The following ENOX1 variants were observed in gnomAD, a reference collection of about 807,000 sequenced individuals.
ENOX1 encodes the protein ecto-NOX disulfide-thiol exchanger 1, also known as candidate growth-related and time keeping constitutive hydroquinone (NADH) oxidase.
In ENOX1, 42 loss-of-function variants were observed where a neutral mutation model predicts 82.5. The ratio of observed to expected loss-of-function variants is 0.51; its 90% CI spans 0.40 to 0.66. The LOEUF is 0.66. ENOX1 is among the 30% of genes least tolerant of loss of function. The probability of loss-of-function intolerance (pLI) is 0.00; values close to 1 mark genes in which losing one functional copy is unlikely to be tolerated. For missense variants in ENOX1, 608 were observed against 811.6 expected, an observed-to-expected ratio of 0.75 and a Z score of 3.05; for synonymous variants, 271 against 282.2, an observed-to-expected ratio of 0.96 and a Z score of 0.40.
At chr13:43,460,264 T>C (rs1036283599) in intron 3 of ENOX1, among the ~76,000 whole-genome samples, 2 of 152,130 alleles carry the variant, frequency 1.3e-5, no homozygotes, top group African/African-American at 4.8e-5. Flanking sequence ...CCTATTGCAA[T>C]GTTTTCCCTT....
At chr13:43,264,104 G>A (rs1386535745) in intron 14 of ENOX1, among the ~76,000 whole-genome samples, 1 of 152,188 alleles carries the variant, frequency 6.6e-6, no homozygotes, top group African/African-American at 2.4e-5. Flanking sequence ...AACCATACGT[G>A]TAACACCTTA....
intron 1 of ENOX1, among the ~76,000 whole-genome samples, chr13:43,704,296 G>A (rs2087101445): frequency 6.6e-6 from 1 of 152,062 alleles, no homozygotes; most frequent in African/African-American, 2.4e-5. Context: ...AATGGTATAA[G>A]CCCACCAATC....
intron 3 of ENOX1, among the ~76,000 whole-genome samples, chr13:43,432,185 T>C (rs1372295342): frequency 6.6e-6 from 1 of 152,158 alleles, no homozygotes; most frequent in Non-Finnish European, 1.5e-5. Context: ...CTATCTTTTC[T>C]ATGGCAGTCG....
intron 1 of ENOX1, among the ~76,000 whole-genome samples, chr13:43,719,226 A>G (rs1396154849): frequency 6.6e-6 from 1 of 151,262 alleles, no homozygotes; most frequent in Non-Finnish European, 1.5e-5. Flanking sequence ...ATTAGAAGTC[A>G]GGTGTCCTTC....
chr13:43,370,834 C>T (rs9567166), intron 5 of ENOX1, among the ~76,000 whole-genome samples: 1 of 151,782 alleles, frequency 6.6e-6, no homozygotes, highest in African/African-American at 2.4e-5. Flanking sequence ...GGTCCTCATT[C>T]GCTCTCATCT....
At chr13:43,463,681 C>T (rs1447264458) in intron 3 of ENOX1, among the ~76,000 whole-genome samples, 1 of 152,194 alleles carries the variant, frequency 6.6e-6, no homozygotes. Flanking sequence ...CAACCCCTCT[C>T]AATATGTTGT....
At chr13:43,331,885 C>G (rs2048427821) in intron 9 of ENOX1, among the ~76,000 whole-genome samples, 2 of 152,152 alleles carry the variant, frequency 1.3e-5, no homozygotes, top group African/African-American at 4.8e-5. Context: ...GTTCTGGGTC[C>G]TGAGCATGAA....
At chr13:43,493,283 T>C (rs901005076) in intron 2 of ENOX1, among the ~76,000 whole-genome samples, 2 of 152,154 alleles carry the variant, frequency 1.3e-5, no homozygotes, top group African/African-American at 4.8e-5. Context: ...CACTTGATTA[T>C]GGAGGCTGAG....
At chr13:43,517,531 C>G (rs1043076371) in intron 2 of ENOX1, among the ~76,000 whole-genome samples, 1 of 152,072 alleles carries the variant, frequency 6.6e-6, no homozygotes, top group African/African-American at 2.4e-5. Flanking sequence ...TAGGTCTCTA[C>G]AAGTTTCATG....
chr13:43,683,320 G>A (rs1043805797), intron 1 of ENOX1, among the ~76,000 whole-genome samples: 8 of 152,098 alleles, frequency 5.3e-5, no homozygotes, highest in African/African-American at 1.9e-4. Flanking sequence ...AGGAAATGGG[G>A]AGCTCAGAAG....
At chr13:43,470,307 C>CGTATATATATATGTATATATATATGT (rs1555289835) in intron 3 of ENOX1, among the ~76,000 whole-genome samples, 2 of 42,492 alleles carry the variant, frequency 4.7e-5, no homozygotes, top group Non-Finnish European at 6.2e-5. Flanking sequence ...CATATATATA[C>CGTATATATATATGTATATATATATGT]ATATATATAC....
chr13:43,398,670 C>G (rs180910869), intron 5 of ENOX1, among the ~76,000 whole-genome samples: 1 of 152,192 alleles, frequency 6.6e-6, no homozygotes, highest in East Asian at 1.9e-4. Context: ...ACCCCTGAGA[C>G]AGCAAGATCA....
chr13:43,438,605 T>C (rs2056172545), intron 3 of ENOX1, among the ~76,000 whole-genome samples: 1 of 152,178 alleles, frequency 6.6e-6, no homozygotes, highest in African/African-American at 2.4e-5. Flanking sequence ...AATATTAAAC[T>C]TACAAACCAT....
chr13:43,240,965 T>C (rs1349995990), intron 14 of ENOX1, among the ~76,000 whole-genome samples: 2 of 152,196 alleles, frequency 1.3e-5, no homozygotes, highest in African/African-American at 4.8e-5. Context: ...CTGGCATCCT[T>C]CTGGACCCCT....
At chr13:43,733,435 C>G (rs558696940) in intron 1 of ENOX1, among the ~76,000 whole-genome samples, 42 of 152,320 alleles carry the variant, frequency 2.8e-4, no homozygotes, top group African/African-American at 9.6e-4. Context: ...ACAAATGAAT[C>G]TTGGGCTTTA....
intron 3 of ENOX1, among the ~76,000 whole-genome samples, chr13:43,419,341 T>C (rs1021611690): frequency 2.6e-5 from 4 of 152,012 alleles, no homozygotes; most frequent in African/African-American, 9.7e-5. Context: ...ACCCAGGAGT[T>C]TGAGACCAGG....
At chr13:43,622,253 G>A (rs762130075) in intron 2 of ENOX1, among the ~76,000 whole-genome samples, 26 of 152,110 alleles carry the variant, frequency 1.7e-4, no homozygotes, top group Non-Finnish European at 3.7e-4. Context: ...GTAAGTCAGG[G>A]ATTTCTTTTT....
At chr13:43,294,686 T>G (rs2046193225) in intron 12 of ENOX1, among the ~76,000 whole-genome samples, 1 of 152,222 alleles carries the variant, frequency 6.6e-6, no homozygotes, top group South Asian at 2.1e-4. Context: ...TGAATGTTTA[T>G]AGCAGATTTA....
chr13:43,456,559 A>G (rs1566267824), intron 3 of ENOX1, among the ~76,000 whole-genome samples: 1 of 152,058 alleles, frequency 6.6e-6, no homozygotes, highest in Non-Finnish European at 1.5e-5. Flanking sequence ...AGAATCTCCA[A>G]ACCCCTGCCT....
Sources: allele counts gnomAD v4.1 joint callset (sites outside exome capture counted in the v4.1 genomes callset), GRCh38; gene constraint gnomAD v4.1.1; transcripts MANE v1.5; gene names NCBI Gene and HGNC (gene_info 2026-07-23, HGNC 2026-07-21).